The following RBMS1 variants were observed in gnomAD, a reference collection of about 807,000 sequenced individuals.
RBMS1 encodes RNA binding motif single stranded interacting protein 1.
A neutral mutation model predicts 62.3 loss-of-function variants in RBMS1; 17 were observed. The ratio of observed to expected loss-of-function variants is 0.27; its 90% CI spans 0.19 to 0.41. RBMS1 has a LOEUF of 0.41. Among genes scored for constraint, RBMS1 ranks in the 10% least tolerant of loss-of-function variants. The pLI is 1.00. For synonymous variants in RBMS1, 172 were observed against 170.0 expected, an observed-to-expected ratio of 1.01 and a Z score of -0.09; for missense variants, 334 against 504.5, an observed-to-expected ratio of 0.66 and a Z score of 3.24.
At chr2:160,459,871 A>G (rs1684391479) in intron 1 of RBMS1, among the ~76,000 whole-genome samples, 1 of 152,208 alleles carries the variant, frequency 6.6e-6, no homozygotes, top group South Asian at 2.1e-4. Flanking sequence ...AATGTGCACA[A>G]AAGTATATAT....
intron 1 of RBMS1, among the ~76,000 whole-genome samples, chr2:160,421,756 T>C (rs1432957560): frequency 4.6e-5 from 7 of 152,218 alleles, no homozygotes. Context: ...TAGTTTACAG[T>C]CCCACCAACA....
intron 1 of RBMS1, among the ~76,000 whole-genome samples, chr2:160,395,163 A>G (rs1695069127): frequency 6.6e-6 from 1 of 152,250 alleles, no homozygotes; most frequent in South Asian, 2.1e-4. Context: ...GCTAATTTAC[A>G]CTTTTACTCT....
chr2:160,424,301 G>A (rs1488248150), intron 1 of RBMS1, among the ~76,000 whole-genome samples: 1 of 150,128 alleles, frequency 6.7e-6, no homozygotes, highest in Non-Finnish European at 1.5e-5. Flanking sequence ...TTACAGGCAT[G>A]AGCCACCGCA....
intron 2 of RBMS1, among the ~76,000 whole-genome samples, chr2:160,336,946 G>A (rs1691605706): frequency 6.6e-6 from 1 of 152,046 alleles, no homozygotes. Context: ...ATTGTTTATG[G>A]TAGTTGCTTT....
intron 1 of RBMS1, among the ~76,000 whole-genome samples, chr2:160,478,998 A>T (rs908088439): frequency 1.3e-5 from 2 of 152,208 alleles, no homozygotes; most frequent in Admixed American, 6.5e-5. Flanking sequence ...GTGGTGAACG[A>T]AAGGGTTGGC....
At chr2:160,305,069 G>A (rs1689429042) in intron 4 of RBMS1, among the ~76,000 whole-genome samples, 2 of 152,132 alleles carry the variant, frequency 1.3e-5, no homozygotes, top group Admixed American at 6.6e-5. Flanking sequence ...TGGCCAGGAT[G>A]GTCTCGATCT....
At chr2:160,477,725 A>C (rs1685201585) in intron 1 of RBMS1, among the ~76,000 whole-genome samples, 1 of 152,234 alleles carries the variant, frequency 6.6e-6, no homozygotes, top group Non-Finnish European at 1.5e-5. Context: ...CTGTATTTCC[A>C]GGGATAATAA....
chr2:160,329,516 T>G (rs957895138), intron 2 of RBMS1, among the ~76,000 whole-genome samples: 1 of 152,196 alleles, frequency 6.6e-6, no homozygotes, highest in African/African-American at 2.4e-5. Context: ...GGAGGTAGGA[T>G]AGTACGGCTC....
intron 2 of RBMS1, among the ~76,000 whole-genome samples, chr2:160,320,308 C>T (rs1052453033): frequency 3.9e-5 from 6 of 152,110 alleles, no homozygotes; most frequent in Admixed American, 2.6e-4. Flanking sequence ...TCTCTACCCT[C>T]CCAAAGCACA....
At chr2:160,296,873 C>T (rs1256076579) in intron 6 of RBMS1, among the ~76,000 whole-genome samples, 1 of 152,146 alleles carries the variant, frequency 6.6e-6, no homozygotes, top group Non-Finnish European at 1.5e-5. Context: ...TTTAGAGACT[C>T]CTCCCCCATT....
intron 2 of RBMS1, among the ~76,000 whole-genome samples, chr2:160,332,359 CA>C (rs1691325493): frequency 1.3e-5 from 2 of 151,912 alleles, no homozygotes; most frequent in African/African-American, 4.8e-5. Flanking sequence ...TAAACTGGGA[CA>C]AAAACGTCCC....
chr2:160,454,278 A>G (rs1339211614), intron 1 of RBMS1, among the ~76,000 whole-genome samples: 1 of 152,214 alleles, frequency 6.6e-6, no homozygotes, highest in East Asian at 1.9e-4. Context: ...CTTTTCATGC[A>G]ATGTTACATG....
intron 1 of RBMS1, among the ~76,000 whole-genome samples, chr2:160,372,144 T>G (rs1485274240): frequency 2.0e-5 from 3 of 152,174 alleles, no homozygotes; most frequent in African/African-American, 7.2e-5. Flanking sequence ...TAAAGAACAG[T>G]GCTCTGACCA....
intron 4 of RBMS1, among the ~76,000 whole-genome samples, chr2:160,305,582 C>A (rs898099765): frequency 6.6e-6 from 1 of 152,106 alleles, no homozygotes; most frequent in Non-Finnish European, 1.5e-5. Context: ...CAGAATATAT[C>A]CCCGTCATTA....
chr2:160,336,171 C>T (rs1691557149), intron 2 of RBMS1, among the ~76,000 whole-genome samples: 1 of 152,156 alleles, frequency 6.6e-6, no homozygotes, highest in Non-Finnish European at 1.5e-5. Context: ...TAGGCATACA[C>T]ATCTGGTAAG....
chr2:160,402,847 TG>T (rs1168268326), intron 1 of RBMS1, among the ~76,000 whole-genome samples: 1 of 152,222 alleles, frequency 6.6e-6, no homozygotes, highest in Non-Finnish European at 1.5e-5. Context: ...TAAATATGAC[TG>T]AGGTTTATAC....
At chr2:160,418,045 A>G (rs1169333402) in intron 1 of RBMS1, among the ~76,000 whole-genome samples, 1 of 152,190 alleles carries the variant, frequency 6.6e-6, no homozygotes, top group Admixed American at 6.5e-5. Context: ...ACGTCATTCT[A>G]CTTCAAGTGT....
intron 1 of RBMS1, among the ~76,000 whole-genome samples, chr2:160,373,091 T>C (rs1666083665): frequency 6.6e-6 from 1 of 152,218 alleles, no homozygotes; most frequent in Admixed American, 6.5e-5. Context: ...ACTTTGCAGC[T>C]TCTCAAGACT....
At chr2:160,349,826 G>A (rs1483767366) in intron 2 of RBMS1, among the ~76,000 whole-genome samples, 1 of 151,226 alleles carries the variant, frequency 6.6e-6, no homozygotes, top group Non-Finnish European at 1.5e-5. Context: ...AAGCAAAGCG[G>A]GGTGGGGGGG....
Sources: gnomAD v4.1 joint callset for allele counts (sites outside exome capture counted in the v4.1 genomes callset) on GRCh38, gnomAD v4.1.1 for gene constraint, MANE v1.5 for transcripts, NCBI Gene and HGNC (gene_info 2026-07-23, HGNC 2026-07-21) for gene names.